Variants in SUZ12 observed in about 807,000 individuals in gnomAD.
The protein encoded by SUZ12 is SUZ12 polycomb repressive complex 2 subunit, also known as polycomb protein SUZ12.
A neutral mutation model predicts 87.3 loss-of-function variants in SUZ12; 17 were observed. The observed-to-expected ratio is 0.19, with a 90% confidence interval of 0.13 to 0.29. The LOEUF is 0.29. SUZ12 is among the 10% of genes least tolerant of loss of function. The probability of loss-of-function intolerance (pLI) is 1.00; values close to 1 mark genes in which losing one functional copy is unlikely to be tolerated. For missense variants in SUZ12, 526 were observed against 912.2 expected (o/e 0.58, Z 5.45); for synonymous variants, 253 against 312.4 (o/e 0.81, Z 2.01).
intron 4 of SUZ12, among the ~76,000 whole-genome samples, chr17:31,957,557 G>A (rs558694136): frequency 1.3e-5 from 2 of 151,860 alleles, no homozygotes; most frequent in East Asian, 3.9e-4. Flanking sequence ...GATTACAGGT[G>A]CCTGCCACCA....
intron 10 of SUZ12, among the ~76,000 whole-genome samples, chr17:31,992,058 G>A (rs1042884758): frequency 2.0e-5 from 3 of 151,864 alleles, no homozygotes; most frequent in Non-Finnish European, 2.9e-5. Flanking sequence ...TTTGGAGGCC[G>A]AGATGAGCAG....
Position 31,973,096 on chromosome 17 carries a change from T to G in SUZ12, c.506-50T>G, listed in dbSNP as rs2449751. 8.4e-3 allele frequency: 12,443 copies of G among 1,480,450 alleles called. 822 individuals carry two copies. In the African/African-American group the frequency reaches 0.15, roughly 18 times the overall value. 91.7% of individuals were successfully genotyped at this position (1,480,450 alleles called of 1,614,324 possible). A position where few individuals can be genotyped will look rare whatever the true frequency, so the allele number is the denominator to read the frequency against. ...CTGACTTGTTAGCAAAATGAATACC[T>G]TGTTCATATATTTTTTAAATATATT... On this transcript the variant is annotated intron_variant, in intron 5 of 15. Coordinates refer to ENST00000322652, the MANE Select transcript of SUZ12 (RefSeq NM_015355.4).
chr17:31,982,435 G>A (rs894312324), intron 8 of SUZ12, among the ~76,000 whole-genome samples: 2 of 152,204 alleles, frequency 1.3e-5, no homozygotes, highest in Non-Finnish European at 2.9e-5. Context: ...GCCAAGATGG[G>A]TGGATCACGA....
intron 3 of SUZ12, among the ~76,000 whole-genome samples, chr17:31,945,013 G>T (rs538729378): frequency 7.1e-6 from 1 of 140,056 alleles, no homozygotes; most frequent in African/African-American, 2.7e-5. Flanking sequence ...AGGTTGCTAT[G>T]AATGTGCCGG....
At chr17:31,956,099 G>A (rs1907316622) in intron 4 of SUZ12, among the ~76,000 whole-genome samples, 1 of 151,900 alleles carries the variant, frequency 6.6e-6, no homozygotes, top group Non-Finnish European at 1.5e-5. Context: ...TTTTTTAGTA[G>A]AGATGGGGTT....
rs1910217560 is a variant in SUZ12 at position 32,000,763 on chromosome 17, T to TC, written c.*1763dup. ...ATTGTTTGCACAAAAAGTTGGTGAT[T>TC]CCCACCCCAAATAGTAATAAAATTA... On this transcript the variant is annotated 3_prime_UTR_variant, in exon 16 of 16. Transcript: ENST00000322652. The TC allele has an allele frequency of 4.3e-6, 1 of 231,266 alleles. No homozygotes were observed. Among genetic ancestry groups the TC allele is most frequent in the Non-Finnish European group, 8.6e-6 (1 of 116,628 alleles). The allele number at this position is 231,266 out of a possible 1,614,324, so 14.3% of individuals were successfully genotyped here.
At chr17:31,952,508 C>T (rs538398907) in intron 4 of SUZ12, among the ~76,000 whole-genome samples, 2 of 152,246 alleles carry the variant, frequency 1.3e-5, no homozygotes, top group East Asian at 3.9e-4. Context: ...GTGGTATATG[C>T]TAGCAGGATT....
intron 15 of SUZ12, 111 bp downstream of exon 15, chr17:31,996,988 T>C: frequency 2.6e-6 from 2 of 759,272 alleles, no homozygotes; most frequent in South Asian, 4.7e-5. Context: ...ATTCCATTAA[T>C]GTATATTTGT....
chr17:31,984,439 T>A (rs1267605209), intron 9 of SUZ12, among the ~76,000 whole-genome samples: 5 of 152,218 alleles, frequency 3.3e-5, no homozygotes, highest in African/African-American at 1.2e-4. Flanking sequence ...AATGTTAATA[T>A]ACTGCAGTGA....
chr17:31,992,645 C>T (rs958534578), intron 10 of SUZ12, among the ~76,000 whole-genome samples: 6 of 151,964 alleles, frequency 3.9e-5, no homozygotes, highest in Admixed American at 6.5e-5. Flanking sequence ...CTCCTGACCT[C>T]GTGATCCACC....
At chr17:31,967,151 A>G (rs1466187781) in intron 5 of SUZ12, 1 of 151,060 alleles carries the variant, frequency 6.6e-6, no homozygotes, top group Admixed American at 6.7e-5. Context: ...ATGAGCTGAG[A>G]TTGCGTTACT....
intron 3 of SUZ12, among the ~76,000 whole-genome samples, chr17:31,945,455 C>T (rs1406081396): frequency 6.6e-6 from 1 of 152,166 alleles, no homozygotes; most frequent in Non-Finnish European, 1.5e-5. Flanking sequence ...ACGAGAAGGG[C>T]ATCTTTTATT....
At chr17:31,985,850 A>T (rs1909379747) in intron 9 of SUZ12, among the ~76,000 whole-genome samples, 1 of 151,778 alleles carries the variant, frequency 6.6e-6, no homozygotes, top group African/African-American at 2.4e-5. Flanking sequence ...TTTAGTAGAG[A>T]TGGAGTTTCA....
chr17:31,989,534 G>A (rs1489708219), intron 10 of SUZ12, among the ~76,000 whole-genome samples: 4 of 152,102 alleles, frequency 2.6e-5, no homozygotes, highest in Non-Finnish European at 5.9e-5. Context: ...TTTCAGATTA[G>A]CTTTTAAGAT....
intron 4 of SUZ12, among the ~76,000 whole-genome samples, chr17:31,954,057 C>CTATT (rs761551803): frequency 5.3e-5 from 8 of 150,980 alleles, no homozygotes; most frequent in Middle Eastern, 3.2e-3. Context: ...CCTTTTTTGA[C>CTATT]TATTTATTTA....
chr17:31,940,623 G>A, intron 3 of SUZ12, 137 bp downstream of exon 3: 3 of 1,370,674 alleles, frequency 2.2e-6, no homozygotes, highest in Middle Eastern at 2.5e-4. Flanking sequence ...GAAAACTGAA[G>A]TGAGAGAGTG....
chr17:31,992,234 G>A (rs1009138545), intron 10 of SUZ12, among the ~76,000 whole-genome samples: 8 of 152,124 alleles, frequency 5.3e-5, no homozygotes, highest in South Asian at 4.1e-4. Context: ...GGAGGTTGCA[G>A]TGAGCTGAGA....
chr17:31,954,710 T>C (rs1907204740), intron 4 of SUZ12, among the ~76,000 whole-genome samples: 1 of 152,152 alleles, frequency 6.6e-6, no homozygotes, highest in Non-Finnish European at 1.5e-5. Context: ...TTGGGAATAA[T>C]GACGATCAGG....
intron 8 of SUZ12, among the ~76,000 whole-genome samples, chr17:31,980,011 T>TAGAGAG (rs55882925): frequency 1.4e-3 from 200 of 146,042 alleles, no homozygotes; most frequent in African/African-American, 4.5e-3. Flanking sequence ...TATATATGTA[T>TAGAGAG]AGAGAGAGAG....
Sources: gnomAD v4.1 joint callset for allele counts (sites outside exome capture counted in the v4.1 genomes callset) on GRCh38, gnomAD v4.1.1 for gene constraint, MANE v1.5 for transcripts, NCBI Gene and HGNC (gene_info 2026-07-23, HGNC 2026-07-21) for gene names.